KLF7: variants seen among roughly 807,000 people sequenced by gnomAD.
KLF7 encodes the protein Krueppel-like factor 7.
A neutral mutation model predicts 27.3 loss-of-function variants in KLF7; 2 were observed. The ratio of observed to expected loss-of-function variants is 0.07; its 90% CI spans 0.03 to 0.23. The LOEUF is 0.23. Among genes scored for constraint, KLF7 ranks in the 10% least tolerant of loss-of-function variants. The probability of loss-of-function intolerance (pLI) is 1.00; values close to 1 mark genes in which losing one functional copy is unlikely to be tolerated. For missense variants in KLF7, 221 were observed against 394.1 expected, an observed-to-expected ratio of 0.56 and a Z score of 3.72; for synonymous variants, 165 against 162.4, an observed-to-expected ratio of 1.02 and a Z score of -0.12.
intron 1 of KLF7, among the ~76,000 whole-genome samples, chr2:207,138,201 C>A (rs552702459): frequency 6.6e-6 from 1 of 152,292 alleles, no homozygotes; most frequent in South Asian, 2.1e-4. Flanking sequence ...TCAGCCCATG[C>A]AAAGGAGAAA....
At chr2:207,130,656 C>T (rs2106014458) in intron 1 of KLF7, among the ~76,000 whole-genome samples, 2 of 152,290 alleles carry the variant, frequency 1.3e-5, no homozygotes, top group South Asian at 2.1e-4. Context: ...AGACTGTAGT[C>T]CAGCCTCTTC....
At chr2:207,147,130 T>C (rs969405991) in intron 1 of KLF7, among the ~76,000 whole-genome samples, 1 of 152,168 alleles carries the variant, frequency 6.6e-6, no homozygotes, top group Non-Finnish European at 1.5e-5. Flanking sequence ...TGTGGCAAAT[T>C]TGTTGCTCCC....
chr2:207,167,752 T>C (rs1233500634), upstream of KLF7, among the ~76,000 whole-genome samples: 1 of 152,228 alleles, frequency 6.6e-6, no homozygotes, highest in Non-Finnish European at 1.5e-5. Context: ...AGCGAATTAC[T>C]GGGTCAGAAC....
chr2:207,127,490 A>T (rs868469979), intron 1 of KLF7, among the ~76,000 whole-genome samples: 1 of 152,226 alleles, frequency 6.6e-6, no homozygotes, highest in Non-Finnish European at 1.5e-5. Flanking sequence ...TTTCCAAGCC[A>T]ATGAGAACAT....
At chr2:207,092,618 C>T (rs2076537689) in intron 2 of KLF7, among the ~76,000 whole-genome samples, 1 of 152,196 alleles carries the variant, frequency 6.6e-6, no homozygotes, top group Non-Finnish European at 1.5e-5. Context: ...CAAGAACTCG[C>T]GTTCTCCCAC....
intron 1 of KLF7, among the ~76,000 whole-genome samples, chr2:207,127,101 T>C (rs2077499869): frequency 6.6e-6 from 1 of 152,156 alleles, no homozygotes; most frequent in South Asian, 2.1e-4. Context: ...TTATGCAGTA[T>C]GCCCTGGTGT....
At chr2:207,123,461 G>A (rs1254039891) in intron 2 of KLF7, among the ~76,000 whole-genome samples, 1 of 152,188 alleles carries the variant, frequency 6.6e-6, no homozygotes, top group Admixed American at 6.5e-5. Flanking sequence ...AATGCAAAGT[G>A]TCAGGAAAGC....
rs571564534 is a variant in KLF7 at position 207,085,214 on chromosome 2, GGAT to G, written c.857+3241_857+3243del. Among the ~76,000 whole-genome samples the G allele has an allele frequency of 3.1e-3, 458 of 146,596 alleles. 4 individuals carry two copies. The highest frequency in any genetic ancestry group is 0.011 in the African/African-American group (433 of 39,846). On this transcript the variant is annotated intron_variant, in intron 3 of 3. Transcript: ENST00000309446. The stretch of plus-strand genomic sequence containing the variant: ...AAAAAGGCACACTAACGTCACATAG[GGAT>G]TAAGTCAACAGCAATCTCCTAGGTG...
At chr2:207,151,515 A>T (rs1338709513) in intron 1 of KLF7, among the ~76,000 whole-genome samples, 1 of 152,168 alleles carries the variant, frequency 6.6e-6, no homozygotes, top group Non-Finnish European at 1.5e-5. Flanking sequence ...AGCTGGAGGA[A>T]AAAGGCAGGC....
chr2:207,094,902 T>C (rs1236326049), intron 2 of KLF7, among the ~76,000 whole-genome samples: 10 of 152,138 alleles, frequency 6.6e-5, no homozygotes, highest in Admixed American at 1.3e-4. Context: ...AATGTACTCA[T>C]TGATGATCCA....
chr2:207,100,518 T>C (rs904826761), intron 2 of KLF7, among the ~76,000 whole-genome samples: 3 of 152,070 alleles, frequency 2.0e-5, no homozygotes, highest in Admixed American at 1.3e-4. Context: ...CACAAAGCCA[T>C]GTCACTTATT....
At chr2:207,148,916 C>T (rs890291553) in intron 1 of KLF7, 2 of 735,526 alleles carry the variant, frequency 2.7e-6, no homozygotes, top group South Asian at 3.0e-5. Flanking sequence ...CACCCCTCCA[C>T]CCTCACCTGA....
At chr2:207,121,598 G>A (rs2077342565) in intron 2 of KLF7, 1 of 152,202 alleles carries the variant, frequency 6.6e-6, no homozygotes, top group Admixed American at 6.5e-5. Flanking sequence ...GCTCTTAAGT[G>A]CTCTGCGATA....
chr2:207,132,767 C>T (rs2077672063), intron 1 of KLF7, among the ~76,000 whole-genome samples: 1 of 152,252 alleles, frequency 6.6e-6, no homozygotes, highest in Admixed American at 6.5e-5. Context: ...AGCTATGGCC[C>T]AGGCCTCACA....
intron 2 of KLF7, among the ~76,000 whole-genome samples, chr2:207,095,623 CTGAACTTTTA>C (rs1163615272): frequency 6.6e-6 from 1 of 152,158 alleles, no homozygotes; most frequent in African/African-American, 2.4e-5. Context: ...AACTAAAAAA[CTGAACTTTTA>C]ATTTAACCTT....
chr2:207,136,055 T>C (rs1362439981), intron 1 of KLF7, among the ~76,000 whole-genome samples: 1 of 152,220 alleles, frequency 6.6e-6, no homozygotes, highest in Non-Finnish European at 1.5e-5. Context: ...TATTTTCAAC[T>C]GTCATTTTTT....
chr2:207,095,826 CTG>C (rs1197137361), intron 2 of KLF7, among the ~76,000 whole-genome samples: 2 of 151,996 alleles, frequency 1.3e-5, no homozygotes, highest in South Asian at 4.1e-4. Flanking sequence ...TCACTAATAA[CTG>C]TTTAAATATT....
intron 2 of KLF7, among the ~76,000 whole-genome samples, chr2:207,102,959 C>T (rs34870879): frequency 0.15 from 23,117 of 152,142 alleles, 1,924 homozygotes; most frequent in Middle Eastern, 0.23. Context: ...GACAGAGTCT[C>T]GCTCTGTCAC....
chr2:207,152,625 A>G (rs1415235574), intron 1 of KLF7, among the ~76,000 whole-genome samples: 2 of 152,226 alleles, frequency 1.3e-5, no homozygotes, highest in Admixed American at 1.3e-4. Flanking sequence ...AACCTGAATG[A>G]CTAGGAAAAA....
Sources: allele counts gnomAD v4.1 joint callset (sites outside exome capture counted in the v4.1 genomes callset), GRCh38; gene constraint gnomAD v4.1.1; transcripts MANE v1.5; gene names NCBI Gene and HGNC (gene_info 2026-07-23, HGNC 2026-07-21).